KLRB1: variants seen among roughly 807,000 people sequenced by gnomAD.
KLRB1 encodes the protein killer cell lectin like receptor B1.
KLRB1 carries 27 observed loss-of-function variants against 33.5 expected under a neutral mutation model. The ratio of observed to expected loss-of-function variants is 0.81; its 90% CI spans 0.59 to 1.11. KLRB1 has a LOEUF of 1.11. Ranked by LOEUF, KLRB1 falls within the 50% of genes most tolerant of loss-of-function variation. KLRB1 has a pLI of 0.00. For missense variants in KLRB1, 241 were observed against 254.1 expected (o/e 0.95, Z 0.35); for synonymous variants, 64 against 88.9 (o/e 0.72, Z 1.58).
chr12:9,601,426 C>T (rs1398670183), intron 2 of KLRB1, 75 bp downstream of exon 2: 1 of 1,115,374 alleles, frequency 9.0e-7, no homozygotes, highest in Non-Finnish European at 1.4e-6. Context: ...GGCAACCCAC[C>T]CCTACAGAGA....
intron 1 of KLRB1, among the ~76,000 whole-genome samples, chr12:9,606,659 TATATAAA>T (rs1432183060): frequency 1.0e-3 from 98 of 96,706 alleles, no homozygotes; most frequent in African/African-American, 3.9e-3. Flanking sequence ...TATATATATA[TATATAAA>T]ATATATAAAA....
chr12:9,601,706 T>A, intron 1 of KLRB1, 107 bp from the exon 2 acceptor site: 1 of 689,854 alleles, frequency 1.4e-6, no homozygotes, highest in Non-Finnish European at 2.6e-6. Flanking sequence ...TGGGATAACA[T>A]AGGGACAATT....
chr12:9,603,510 C>T (rs779991167), intron 1 of KLRB1, among the ~76,000 whole-genome samples: 5 of 152,172 alleles, frequency 3.3e-5, no homozygotes, highest in South Asian at 2.1e-4. Flanking sequence ...CCGCAACCTC[C>T]GCCTCCCAGG....
intron 1 of KLRB1, among the ~76,000 whole-genome samples, chr12:9,602,755 G>A (rs776043583): frequency 6.3e-4 from 96 of 152,010 alleles, no homozygotes; most frequent in African/African-American, 2.3e-3. Context: ...ATTATTCCAT[G>A]TAAGTGATTA....
rs1864586538 is a variant in KLRB1 at position 9,605,202 on chromosome 12, G to A, written c.85+2553C>T. Among the ~76,000 whole-genome samples, 4 of 152,208 alleles carry A rather than the reference G, an allele frequency of 2.6e-5. No homozygotes were observed. In the South Asian group the frequency reaches 6.2e-4, roughly 24 times the overall value. ...TTATGGCTGCACAGTATTCCATGGT[G>A]TATATGTGCCACATTTTCTCAATCC... On this transcript the variant is annotated intron_variant, in intron 1 of 5. Coordinates refer to ENST00000229402, the MANE Select transcript of KLRB1 (RefSeq NM_002258.3).
intron 1 of KLRB1, among the ~76,000 whole-genome samples, chr12:9,603,068 A>G (rs1044303408): frequency 2.6e-5 from 4 of 152,210 alleles, no homozygotes; most frequent in African/African-American, 7.2e-5. Context: ...GGGTTGTAAC[A>G]TATGGATTAT....
intron 1 of KLRB1, among the ~76,000 whole-genome samples, chr12:9,607,099 G>T: frequency 6.6e-6 from 1 of 151,932 alleles, no homozygotes; most frequent in Non-Finnish European, 1.5e-5. Flanking sequence ...AATGCACTGG[G>T]ACTTAATCAT....
intron 1 of KLRB1, among the ~76,000 whole-genome samples, chr12:9,603,808 G>A (rs1034176114): frequency 3.3e-5 from 5 of 152,054 alleles, no homozygotes; most frequent in East Asian, 3.9e-4. Flanking sequence ...CAGTCTTTCC[G>A]ATCTAGCAAA....
chr12:9,607,332 TTTCC>T (rs200381621), intron 1 of KLRB1, among the ~76,000 whole-genome samples: 2,914 of 58,666 alleles, frequency 0.05, 151 homozygotes, highest in African/African-American at 0.069. Context: ...TTTCTCTTTC[TTTCC>T]TTTCTTTCTT....
At chr12:9,607,350 T>TCC (rs1565444599) in intron 1 of KLRB1, among the ~76,000 whole-genome samples, 14 of 70,990 alleles carry the variant, frequency 2.0e-4, no homozygotes, top group Non-Finnish European at 3.0e-4. Flanking sequence ...CTTTCTTTCT[T>TCC]TCTTCCTTTC....
intron 1 of KLRB1, among the ~76,000 whole-genome samples, chr12:9,606,094 T>C (rs774510246): frequency 6.6e-6 from 1 of 152,336 alleles, no homozygotes; most frequent in South Asian, 2.1e-4. Flanking sequence ...GTGAAAATTA[T>C]ACTGAAACTT....
At chr12:9,602,695 T>C (rs1467073033) in intron 1 of KLRB1, among the ~76,000 whole-genome samples, 1 of 152,150 alleles carries the variant, frequency 6.6e-6, no homozygotes, top group Non-Finnish European at 1.5e-5. Context: ...CTAATTTATC[T>C]GAAGCTATTG....
chr12:9,607,350 T>G (rs771906684), intron 1 of KLRB1, among the ~76,000 whole-genome samples: 193 of 70,984 alleles, frequency 2.7e-3, no homozygotes, highest in Middle Eastern at 6.4e-3. Context: ...CTTTCTTTCT[T>G]TCTTCCTTTC....
chr12:9,596,644 T>C (rs1864494778), intron 5 of KLRB1, among the ~76,000 whole-genome samples: 1 of 152,228 alleles, frequency 6.6e-6, no homozygotes, highest in Admixed American at 6.5e-5. Context: ...CTCCTCAGAA[T>C]AAAATGAAAA....
chr12:9,601,455 G>A lies in KLRB1; in HGVS notation c.184+46C>T, dbSNP rs765278938. On this transcript the variant is annotated intron_variant, in intron 2 of 5. Transcript: ENST00000229402. ...ACAGAGATGCTCTAAGATACGTAAT[G>A]GAAGTAGAGTAAGTATTATGAAACA... 4 of 1,388,376 alleles carry A rather than the reference G, an allele frequency of 2.9e-6. No individual in the cohort carries two copies. In the East Asian group the frequency reaches 9.2e-5, roughly 32 times the overall value. The allele number at this position is 1,388,376 out of a possible 1,614,324, so 86.0% of individuals were successfully genotyped here. A position where few individuals can be genotyped will look rare whatever the true frequency, so the allele number is the denominator to read the frequency against.
At chr12:9,607,358 T>TTCTTTCTTTCTTTCTTTCTTTCTCTCTC (rs1565444621) in intron 1 of KLRB1, among the ~76,000 whole-genome samples, 5 of 72,380 alleles carry the variant, frequency 6.9e-5, no homozygotes, top group African/African-American at 2.1e-4. Context: ...CTTTCTTCCT[T>TTCTTTCTTTCTTTCTTTCTTTCTCTCTC]TCTTTCTTTC....
chr12:9,607,315 T>TTC, intron 1 of KLRB1, among the ~76,000 whole-genome samples: 1 of 104,570 alleles, frequency 9.6e-6, no homozygotes, highest in Admixed American at 9.4e-5. Flanking sequence ...CTTTCTTTCT[T>TTC]CTTTTCTTTC....
At chr12:9,606,323 A>G (rs182609877) in intron 1 of KLRB1, 15 of 152,240 alleles carry the variant, frequency 9.9e-5, no homozygotes, top group African/African-American at 3.4e-4. Flanking sequence ...TTTCTGCCTC[A>G]GTTTCTAGTT....
chr12:9,598,227 G>C (rs1233341339), intron 4 of KLRB1, 66 bp from the exon 5 acceptor site: 2 of 1,022,850 alleles, frequency 2.0e-6, no homozygotes, highest in African/African-American at 3.2e-5. Flanking sequence ...CTAAAACCTA[G>C]TTCAAGCATC....
Sources: allele counts gnomAD v4.1 joint callset (sites outside exome capture counted in the v4.1 genomes callset), GRCh38; gene constraint gnomAD v4.1.1; transcripts MANE v1.5; gene names NCBI Gene and HGNC (gene_info 2026-07-23, HGNC 2026-07-21).